EPHA4: variants seen among roughly 807,000 people sequenced by gnomAD.
EPHA4 encodes ephrin type-A receptor 4.
Under a neutral mutation model 108.3 loss-of-function variants are expected in EPHA4, and 19 were observed. That is an observed-to-expected ratio of 0.18 (90% CI 0.12 to 0.26). The LOEUF (loss-of-function observed/expected upper bound fraction) is 0.26, where lower values mean the gene tolerates loss of function less well. Among genes scored for constraint, EPHA4 ranks in the 10% least tolerant of loss-of-function variants. EPHA4 has a pLI of 1.00. For synonymous variants in EPHA4, 449 were observed against 455.5 expected (o/e 0.99, Z 0.18); for missense variants, 917 against 1,254.0 (o/e 0.73, Z 4.06).
intron 3 of EPHA4, among the ~76,000 whole-genome samples, chr2:221,548,164 G>C (rs1694052217): frequency 6.6e-6 from 1 of 152,104 alleles, no homozygotes; most frequent in Admixed American, 6.6e-5. Flanking sequence ...TTCTCCCTCA[G>C]TTAGTTCACA....
intron 17 of EPHA4, among the ~76,000 whole-genome samples, chr2:221,423,182 A>G (rs945098665): frequency 2.6e-5 from 4 of 152,234 alleles, no homozygotes; most frequent in African/African-American, 9.6e-5. Flanking sequence ...ACACACTTGC[A>G]ACAACACCAT....
At chr2:221,463,620 A>G (rs1462038169) in intron 5 of EPHA4, among the ~76,000 whole-genome samples, 2 of 152,200 alleles carry the variant, frequency 1.3e-5, no homozygotes, top group Non-Finnish European at 2.9e-5. Flanking sequence ...TCCCTTTAAG[A>G]AAATGGTAAA....
chr2:221,566,862 GAAGA>G (rs1694654939), intron 2 of EPHA4, among the ~76,000 whole-genome samples: 1 of 53,658 alleles, frequency 1.9e-5, no homozygotes, highest in Admixed American at 2.2e-4. Context: ...AGGAGAAGAA[GAAGA>G]AGAAGAAGAA....
At chr2:221,493,705 C>T (rs914698704) in intron 4 of EPHA4, among the ~76,000 whole-genome samples, 1 of 152,150 alleles carries the variant, frequency 6.6e-6, no homozygotes, top group Non-Finnish European at 1.5e-5. Context: ...AAACAATACA[C>T]TTTCTGGGAG....
intron 3 of EPHA4, among the ~76,000 whole-genome samples, chr2:221,554,233 A>G (rs1282773698): frequency 6.6e-6 from 1 of 152,184 alleles, no homozygotes; most frequent in African/African-American, 2.4e-5. Context: ...GCATCATCAA[A>G]CTTTGTCAGA....
At chr2:221,487,220 T>A (rs997539035) in intron 4 of EPHA4, among the ~76,000 whole-genome samples, 1 of 152,210 alleles carries the variant, frequency 6.6e-6, no homozygotes, top group Non-Finnish European at 1.5e-5. Context: ...TTTTGATAAC[T>A]TCCTGATAGT....
At chr2:221,514,540 C>T (rs1256057227) in intron 3 of EPHA4, among the ~76,000 whole-genome samples, 1 of 152,162 alleles carries the variant, frequency 6.6e-6, no homozygotes, top group African/African-American at 2.4e-5. Context: ...AAAGTGCTTG[C>T]AGGTGAATTA....
At chr2:221,444,062 A>T (rs1310158561) in intron 9 of EPHA4, among the ~76,000 whole-genome samples, 3 of 152,264 alleles carry the variant, frequency 2.0e-5, no homozygotes, top group Non-Finnish European at 4.4e-5. Flanking sequence ...TGAATTAAAT[A>T]TGTGACCAAC....
chr2:221,513,098 G>A (rs1323557971), intron 3 of EPHA4, among the ~76,000 whole-genome samples: 3 of 152,176 alleles, frequency 2.0e-5, no homozygotes, highest in African/African-American at 7.2e-5. Context: ...CCCAGAAGAA[G>A]CTAAAATAAT....
At chr2:221,511,540 T>TCTGGA (rs1692830028) in intron 3 of EPHA4, among the ~76,000 whole-genome samples, 1 of 128,282 alleles carries the variant, frequency 7.8e-6, no homozygotes, top group Admixed American at 7.7e-5. Context: ...CTTCCCTTTT[T>TCTGGA]TGTCTATAAA....
At chr2:221,528,540 C>A (rs1349244172) in intron 3 of EPHA4, among the ~76,000 whole-genome samples, 1 of 152,184 alleles carries the variant, frequency 6.6e-6, no homozygotes, top group African/African-American at 2.4e-5. Flanking sequence ...ATATTATTAT[C>A]TGAGTCTTGC....
At chr2:221,443,381 A>T in intron 10 of EPHA4, 112 bp downstream of exon 10, 1 of 711,032 alleles carries the variant, frequency 1.4e-6, no homozygotes, top group Non-Finnish European at 2.3e-6. Flanking sequence ...AGGAAATTTC[A>T]TGTATATACA....
intron 3 of EPHA4, among the ~76,000 whole-genome samples, chr2:221,556,018 T>C (rs1202855425): frequency 6.6e-6 from 1 of 152,226 alleles, no homozygotes; most frequent in Non-Finnish European, 1.5e-5. Context: ...TGAAAAGTGA[T>C]GGACTAGGTG....
chr2:221,484,447 T>C (rs1691920723), intron 4 of EPHA4, among the ~76,000 whole-genome samples: 1 of 152,206 alleles, frequency 6.6e-6, no homozygotes, highest in East Asian at 1.9e-4. Context: ...CTCCCCATCC[T>C]GTGAAACTTA....
At chr2:221,512,791 CATA>C (rs1368631504) in intron 3 of EPHA4, among the ~76,000 whole-genome samples, 11 of 152,130 alleles carry the variant, frequency 7.2e-5, no homozygotes, top group Admixed American at 4.6e-4. Context: ...TAAGCCTTTA[CATA>C]ATAACAGTAA....
intron 1 of EPHA4, among the ~76,000 whole-genome samples, chr2:221,570,917 G>A (rs1247382040): frequency 3.9e-5 from 6 of 152,092 alleles, no homozygotes; most frequent in Admixed American, 3.9e-4. Context: ...ATAGATAGAC[G>A]GATGGACGGA....
intron 5 of EPHA4, among the ~76,000 whole-genome samples, chr2:221,479,103 G>C (rs1864462): frequency 0.45 from 68,077 of 152,040 alleles, 15,427 homozygotes; most frequent in East Asian, 0.52. Flanking sequence ...CAATCTCCAT[G>C]TCCATGCCCA....
rs369988785 is a variant in EPHA4 at position 221,436,387 on chromosome 2, G to C, written c.2346+12C>G. The C allele has an allele frequency of 3.1e-6, 5 of 1,612,902 alleles. No homozygotes were observed. Among genetic ancestry groups the C allele is most frequent in the Non-Finnish European group, 4.2e-6 (5 of 1,179,038 alleles). On this transcript the variant is annotated intron_variant, in intron 13 of 17. Transcript: ENST00000281821. ...CCAGAGTGAAAGCCCAGATGTCACCGATCTTTCTTACCCTGGTGGTGTAAG... is the reference window on the plus strand; with the variant it reads ...CCAGAGTGAAAGCCCAGATGTCACCCATCTTTCTTACCCTGGTGGTGTAAG...
chr2:221,496,878 C>T (rs1030989825), intron 4 of EPHA4, among the ~76,000 whole-genome samples: 10 of 151,914 alleles, frequency 6.6e-5, no homozygotes, highest in East Asian at 5.8e-4. Flanking sequence ...CATTGCACTC[C>T]GGCCAGGGTG....
Sources: allele counts gnomAD v4.1 joint callset (sites outside exome capture counted in the v4.1 genomes callset), GRCh38; gene constraint gnomAD v4.1.1; transcripts MANE v1.5; gene names NCBI Gene and HGNC (gene_info 2026-07-23, HGNC 2026-07-21).